CEP350: variants seen among roughly 807,000 people sequenced by gnomAD.
CEP350 encodes centrosomal protein 350, also known as centrosome-associated protein 350.
Under a neutral mutation model 331.8 loss-of-function variants are expected in CEP350, and 126 were observed. The observed-to-expected ratio is 0.38, with a 90% CI of 0.33 to 0.44. The LOEUF (loss-of-function observed/expected upper bound fraction) is 0.44. Ranked by LOEUF, CEP350 falls within the 20% of genes least tolerant of loss-of-function variation. The probability of loss-of-function intolerance (pLI) is 1.00; values close to 1 mark genes in which losing one functional copy is unlikely to be tolerated. For synonymous variants in CEP350, 1,200 were observed against 1,259.5 expected, an observed-to-expected ratio of 0.95 and a Z score of 1.00; for missense variants, 3,406 against 3,634.6, an observed-to-expected ratio of 0.94 and a Z score of 1.62.
chr1:180,099,343 T>C (rs1205264960), intron 37 of CEP350, among the ~76,000 whole-genome samples: 1 of 152,200 alleles, frequency 6.6e-6, no homozygotes, highest in Non-Finnish European at 1.5e-5. Flanking sequence ...AACATTTTTG[T>C]GCAAAGTGAA....
rs1404245572 is a variant in CEP350 at position 180,006,468 on chromosome 1, A to G, written c.1147A>G (p.Lys383Glu). 1 of 1,511,792 alleles carries G rather than the reference A, an allele frequency of 6.6e-7. No individual in the cohort carries two copies. The highest frequency in any genetic ancestry group is 9.0e-7 in the Non-Finnish European group (1 of 1,110,184). 93.6% of individuals were successfully genotyped at this position (1,511,792 alleles called of 1,614,324 possible). A position where few individuals can be genotyped will look rare whatever the true frequency, so the allele number is the denominator to read the frequency against. ...CTGCTTTTCAGATGATATTTCTATA[A>G]AGGAGAAACCTGCTGAAAAAAGTAA... ...ALHFADDISI[K>E]EKPAEKSKEK... The change falls in exon 8 of 38, where the codon AAG becomes GAG. Residue 383 changes from lysine to glutamate, a missense_variant. By Grantham distance (56) the Lys-to-Glu change is moderately conservative (BLOSUM62 1). Around this residue, in one of 5 missense-constraint regions of CEP350, gnomAD observed 1,857 missense variants for 1,909.2 expected, o/e 0.97. Coordinates refer to ENST00000367607, the MANE Select transcript of CEP350 (RefSeq NM_014810.5).
chr1:179,997,632 G>T (rs1033983677), intron 6 of CEP350, among the ~76,000 whole-genome samples: 1 of 152,064 alleles, frequency 6.6e-6, no homozygotes, highest in Non-Finnish European at 1.5e-5. Context: ...ATTTTCTGGG[G>T]CTGGGGTCCA....
chr1:179,971,604 G>A (rs956684924), intron 1 of CEP350, among the ~76,000 whole-genome samples: 2 of 152,176 alleles, frequency 1.3e-5, no homozygotes, highest in African/African-American at 4.8e-5. Context: ...GGGATTACAG[G>A]TGTGACCCAC....
At position 180,094,632 on chromosome 1, in the gene CEP350, A is replaced by G. The variant is rs762059960; in HGVS notation, c.8511+16A>G. On this transcript the variant is annotated intron_variant, in intron 34 of 37. Transcript: ENST00000367607. ...TCCCAGACCGGTGAGTATTTCGTCT[A>G]GAAAAAGTATCAGTATACCTTTTGA... 1.2e-6 allele frequency: 2 copies of G among 1,601,886 alleles called. No homozygotes were observed. The highest frequency in any genetic ancestry group is 2.7e-5 in the African/African-American group (2 of 74,040).
intron 2 of CEP350, 47 bp downstream of exon 2, chr1:179,986,301 A>G (rs930278867): frequency 7.4e-7 from 1 of 1,348,718 alleles, no homozygotes; most frequent in Non-Finnish European, 1.0e-6. Context: ...CATTTAGGTC[A>G]TGTGTATTAA....
rs1341148154 is a variant in CEP350, at chr1:180,054,571, G to A, written c.5262+69G>A. 3.4e-6 allele frequency: 4 copies of A among 1,160,566 alleles called. No homozygotes were observed. In the East Asian group the frequency reaches 7.7e-5, roughly 22 times the overall value. The allele number at this position is 1,160,566 out of a possible 1,614,324, so 71.9% of individuals were successfully genotyped here. On this transcript the variant is annotated intron_variant, in intron 25 of 37. Transcript: ENST00000367607. ...GTTAGTTTGTGGAATCTATTATTTT[G>A]CCTGATTTCTTTTCCTTATCATTGC...
At chr1:180,061,217 A>ATTGAGT (rs1658210594) in intron 25 of CEP350, among the ~76,000 whole-genome samples, 1 of 132,254 alleles carries the variant, frequency 7.6e-6, no homozygotes, top group Non-Finnish European at 1.7e-5. Flanking sequence ...ATTGATTGAG[A>ATTGAGT]CAGGGTCTCA....
At chr1:179,997,402 G>A (rs1558087974) in intron 6 of CEP350, among the ~76,000 whole-genome samples, 3 of 151,976 alleles carry the variant, frequency 2.0e-5, no homozygotes, top group Admixed American at 6.6e-5. Flanking sequence ...AATTAGCCAG[G>A]CGTGGTGGTG....
At position 180,019,927 on chromosome 1, in the gene CEP350, A is replaced by G. The variant is rs187738988; in HGVS notation, c.2175-22A>G. 85 of 1,549,584 alleles carry G rather than the reference A, an allele frequency of 5.5e-5. No individual in the cohort carries two copies. In the African/African-American group the frequency reaches 1.0e-3, roughly 18 times the overall value. On this transcript the variant is annotated intron_variant, in intron 11 of 37. Transcript: ENST00000367607. ...TAAAATGGTGGTTTAGTTAACTAAC[A>G]TATTGTGACTTTCATTTCCAGAAAA...
intron 17 of CEP350, among the ~76,000 whole-genome samples, chr1:180,039,805 C>T (rs927661988): frequency 2.0e-5 from 3 of 152,028 alleles, no homozygotes; most frequent in Non-Finnish European, 2.9e-5. Context: ...ACAACAACAA[C>T]AAAAAGCCTG....
chr1:179,973,455 T>C (rs940291345), intron 1 of CEP350, among the ~76,000 whole-genome samples: 1 of 152,236 alleles, frequency 6.6e-6, no homozygotes, highest in African/African-American at 2.4e-5. Context: ...ACCCTGTTCC[T>C]GTCAGTGAGT....
intron 5 of CEP350, among the ~76,000 whole-genome samples, chr1:179,994,355 A>G (rs918647912): frequency 3.9e-5 from 6 of 152,158 alleles, no homozygotes; most frequent in African/African-American, 1.4e-4. Flanking sequence ...TCTTGTTAAT[A>G]TAGTGAAAAT....
rs900173414 is a variant in CEP350 at position 180,094,523 on chromosome 1, G to A, written c.8418G>A (p.Glu2806=). Residue 2806 remains glutamate, a synonymous_variant, in exon 34 of 38, where the codon GAG becomes GAA. Coordinates refer to ENST00000367607, the MANE Select transcript of CEP350 (RefSeq NM_014810.5). ...VTPQDLSQNV[E]EQSPSISGCF... is the part of the protein sequence containing the mutation. ...CCCAAGACCTATCCCAAAATGTTGA[G>A]GAACAGTCGCCAAGTATTTCAGGTT... is the stretch of plus-strand genomic sequence containing the variant. The A allele has an allele frequency of 6.2e-7, 1 of 1,613,820 alleles. No homozygotes were observed. Among genetic ancestry groups the A allele is most frequent in the Admixed American group, 1.7e-5 (1 of 59,984 alleles).
At chr1:180,103,370 CA>C (rs1013354119) in intron 37 of CEP350, among the ~76,000 whole-genome samples, 1 of 152,036 alleles carries the variant, frequency 6.6e-6, no homozygotes, top group African/African-American at 2.4e-5. Flanking sequence ...CTTGATTTTA[CA>C]GGCTGCTCTT....
intron 15 of CEP350, among the ~76,000 whole-genome samples, chr1:180,032,597 AAGG>A (rs906198070): frequency 6.6e-6 from 1 of 152,008 alleles, no homozygotes; most frequent in African/African-American, 2.4e-5. Flanking sequence ...AGGCTTTGAT[AAGG>A]AGAAGTCCAG....
chr1:180,038,996 A>G (rs993626078), intron 17 of CEP350, among the ~76,000 whole-genome samples: 12 of 151,986 alleles, frequency 7.9e-5, no homozygotes, highest in Non-Finnish European at 1.8e-4. Context: ...CAGGCAGCTC[A>G]CTTAAGCTTA....
Position 179,986,205 on chromosome 1 carries a change from G to A in CEP350, c.24G>A (p.Glu8=). 1.3e-6 allele frequency: 2 copies of A among 1,551,550 alleles called. No homozygotes were observed. Among genetic ancestry groups the A allele is most frequent in the Non-Finnish European group, 1.7e-6 (2 of 1,146,928 alleles). MRSSKSK[E]VPLPNPRNSQ... ...GGATGAGGAGCAGCAAATCAAAAGA[G>A]GTGCCTTTACCAAATCCAAGGAACT... is the stretch of plus-strand genomic sequence containing the variant. The change falls in exon 2 of 38, where the codon GAG becomes GAA. Residue 8 remains glutamate, a synonymous_variant. Coordinates refer to ENST00000367607, the MANE Select transcript of CEP350 (RefSeq NM_014810.5).
rs202021722 is a variant in CEP350, at chr1:180,015,906, C to T, written c.2110C>T (p.Arg704Cys). 3.7e-6 allele frequency: 6 copies of T among 1,613,908 alleles called. No individual in the cohort carries two copies. Among genetic ancestry groups the T allele is most frequent in the South Asian group, 3.3e-5 (3 of 91,078 alleles). ...ESDKENKVQERPPSASSSSDM... is the reference protein window; with the variant it reads ...ESDKENKVQECPPSASSSSDM... The stretch of plus-strand genomic sequence containing the variant: ...TGACAAAGAAAACAAAGTACAGGAA[C>T]GTCCCCCAAGTGCATCTTCCAGTAG... Residue 704 changes from arginine to cysteine, a missense_variant, in exon 11 of 38, where the codon CGT becomes TGT. Arg to Cys is a radical substitution (Grantham distance 180). Coordinates refer to ENST00000367607, the MANE Select transcript of CEP350 (RefSeq NM_014810.5).
At chr1:180,033,439 C>T (rs1656150039) in intron 15 of CEP350, among the ~76,000 whole-genome samples, 1 of 152,018 alleles carries the variant, frequency 6.6e-6, no homozygotes, top group Non-Finnish European at 1.5e-5. Context: ...CTTTTCTTAC[C>T]TTTTAACATA....
Sources: allele counts gnomAD v4.1 joint callset (sites outside exome capture counted in the v4.1 genomes callset), GRCh38; gene constraint gnomAD v4.1.1; regional missense constraint gnomAD v4.1.1; transcripts MANE v1.5; gene names NCBI Gene and HGNC (gene_info 2026-07-23, HGNC 2026-07-21).